BLOC1S3: variants seen among roughly 807,000 people sequenced by gnomAD.
BLOC1S3 encodes biogenesis of lysosomal organelles complex 1 subunit 3, also known as biogenesis of lysosome-related organelles complex 1 subunit 3.
Under a neutral mutation model 9.1 loss-of-function variants are expected in BLOC1S3, and 7 were observed. That is an observed-to-expected ratio of 0.77 (90% CI 0.44 to 1.45). The LOEUF is 1.45. Among genes scored for constraint, BLOC1S3 ranks in the 40% most tolerant of loss-of-function variants. BLOC1S3 has a pLI of 0.01. For missense variants in BLOC1S3, 307 were observed against 315.2 expected, an observed-to-expected ratio of 0.97 and a Z score of 0.20; for synonymous variants, 145 against 158.4, an observed-to-expected ratio of 0.92 and a Z score of 0.64.
chr19:45,211,216 G>A (rs1336942477), intron 3 of BLOC1S3, among the ~76,000 whole-genome samples: 1 of 152,106 alleles, frequency 6.6e-6, no homozygotes, highest in Non-Finnish European at 1.5e-5. Flanking sequence ...TCATTTTCGG[G>A]CTGGGCACAG....
chr19:45,201,285 C>A (rs1969689020), intron 2 of BLOC1S3, among the ~76,000 whole-genome samples: 1 of 151,976 alleles, frequency 6.6e-6, no homozygotes, highest in Admixed American at 6.6e-5. Flanking sequence ...AATTACCAGG[C>A]AGAAACTCTT....
intron 3 of BLOC1S3, among the ~76,000 whole-genome samples, chr19:45,207,190 T>G (rs2122935683): frequency 6.6e-6 from 1 of 151,528 alleles, no homozygotes; most frequent in South Asian, 2.1e-4. Flanking sequence ...TGGAATGCAG[T>G]GGCACGATAT....
chr19:45,191,462 T>C (rs1373085807), intron 2 of BLOC1S3, among the ~76,000 whole-genome samples: 4 of 152,212 alleles, frequency 2.6e-5, no homozygotes, highest in Non-Finnish European at 5.9e-5. Flanking sequence ...TTTTCCTGGA[T>C]GGTTTTGTTA....
intron 2 of BLOC1S3, among the ~76,000 whole-genome samples, chr19:45,195,204 T>C (rs924502414): frequency 1.3e-5 from 2 of 150,546 alleles, no homozygotes; most frequent in African/African-American, 2.5e-5. Context: ...CCACCGCGCC[T>C]GGCCAATTTT....
chr19:45,180,005 C>G lies in BLOC1S3; in HGVS notation c.*100C>G, dbSNP rs1053258669. On this transcript the variant is annotated 3_prime_UTR_variant, in exon 2 of 2. Coordinates refer to ENST00000433642, the MANE Select transcript of BLOC1S3 (RefSeq NM_212550.5). ...TGTGTCTCTTATCACCCCCCACCCC[C>G]GCTCCCATCTTGGTGTCACCCATGG... 5.7e-6 allele frequency: 8 copies of G among 1,402,840 alleles called. No individual in the cohort carries two copies. The highest frequency in any genetic ancestry group is 7.8e-6 in the Non-Finnish European group (8 of 1,031,216). 86.9% of individuals were successfully genotyped at this position (1,402,840 alleles called of 1,614,324 possible).
Position 45,179,420 on chromosome 19 carries a change from G to T in BLOC1S3, c.124G>T (p.Gly42Cys), listed in dbSNP as rs779822009. The T allele has an allele frequency of 4.3e-5, 67 of 1,546,920 alleles. No homozygotes were observed. The highest frequency in any genetic ancestry group is 5.6e-5 in the Non-Finnish European group (65 of 1,153,938). ...SSSEEEELYL[G>C]PSGPTRGRPT... ...GTCGGAGGAGGAGGAGCTGTACCTG[G>T]GTCCTTCGGGCCCGACGCGCGGCCG... Residue 42 changes from glycine (G) to cysteine (C), a missense_variant, in exon 2 of 2, where the codon GGT becomes TGT. By Grantham distance (159) the Gly-to-Cys change is radical. Transcript: ENST00000433642. This position sits in a 1 kb window ranked among gnomAD's most constrained non-coding sequence, Gnocchi z 4.6.
At chr19:45,213,735 A>G (rs2122949552) in intron 3 of BLOC1S3, among the ~76,000 whole-genome samples, 1 of 152,044 alleles carries the variant, frequency 6.6e-6, no homozygotes, top group East Asian at 1.9e-4. Flanking sequence ...ACCTGAGGTC[A>G]GGAGTTCGAG....
chr19:45,183,504 A>T (rs1969542386), downstream of BLOC1S3, among the ~76,000 whole-genome samples: 1 of 151,394 alleles, frequency 6.6e-6, no homozygotes, highest in African/African-American at 2.4e-5. Flanking sequence ...GTGCGGATCA[A>T]CCAGCATCTC....
intron 3 of BLOC1S3, among the ~76,000 whole-genome samples, chr19:45,207,555 CAAAAAAAAAAAAAAAAA>C (rs58164218): frequency 3.1e-5 from 2 of 64,748 alleles, no homozygotes; most frequent in African/African-American, 4.6e-5. Context: ...GACTCTGTCT[CAAAAAAAAAAAAAAAAA>C]AAAAAAAAAA....
At chr19:45,196,408 A>G (rs1969648870) in intron 2 of BLOC1S3, among the ~76,000 whole-genome samples, 1 of 152,006 alleles carries the variant, frequency 6.6e-6, no homozygotes, top group Non-Finnish European at 1.5e-5. Flanking sequence ...TCCATGGTCC[A>G]GGTGAGGCTG....
Position 45,179,251 on chromosome 19 carries a change from C to T in BLOC1S3, c.-9-37C>T, listed in dbSNP as rs1969467585. On this transcript the variant is annotated intron_variant, in intron 1 of 1. Transcript: ENST00000433642. This position sits in a 1 kb window ranked among gnomAD's most constrained non-coding sequence, Gnocchi z 4.6. ...CTGCGCCTTTTACCCACCGCGGCGCCGGTCTCACGTGCAGTCCCTTCGCTC... is the reference window on the plus strand; with the variant it reads ...CTGCGCCTTTTACCCACCGCGGCGCTGGTCTCACGTGCAGTCCCTTCGCTC... 2 of 1,477,534 alleles carry T rather than the reference C, an allele frequency of 1.4e-6. No individual in the cohort carries two copies. Among genetic ancestry groups the T allele is most frequent in the Non-Finnish European group, 1.8e-6 (2 of 1,118,718 alleles). The allele number at this position is 1,477,534 out of a possible 1,614,324, so 91.5% of individuals were successfully genotyped here.
downstream of BLOC1S3, among the ~76,000 whole-genome samples, chr19:45,184,903 CAAAAAAAAAAAAA>C (rs71338752): frequency 3.7e-4 from 18 of 48,288 alleles, no homozygotes; most frequent in East Asian, 7.2e-4. Context: ...CTGTCTCAAA[CAAAAAAAAAAAAA>C]AAAAAAAAAA....
chr19:45,197,810 G>A (rs1393094901), intron 2 of BLOC1S3, among the ~76,000 whole-genome samples: 3 of 130,882 alleles, frequency 2.3e-5, no homozygotes, highest in African/African-American at 8.6e-5. Context: ...GGGTGGCTGA[G>A]CGAGACTCCG....
At chr19:45,201,537 G>A (rs111986542) in intron 2 of BLOC1S3, among the ~76,000 whole-genome samples, 6 of 152,286 alleles carry the variant, frequency 3.9e-5, no homozygotes, top group African/African-American at 7.2e-5. Context: ...GAAGCCTGCC[G>A]GGCTTGTGTC....
intron 2 of BLOC1S3, among the ~76,000 whole-genome samples, chr19:45,198,293 G>GTTTGT (rs1416941341): frequency 6.6e-6 from 1 of 152,014 alleles, no homozygotes; most frequent in Non-Finnish European, 1.5e-5. Context: ...TTTTTTGTTT[G>GTTTGT]TTTGTTTTGT....
At chr19:45,185,305 C>T (rs1161072843), downstream of BLOC1S3, among the ~76,000 whole-genome samples, 2 of 152,176 alleles carry the variant, frequency 1.3e-5, no homozygotes, top group Admixed American at 6.5e-5. Flanking sequence ...CCCAGGGAAA[C>T]CACAGAGTAG....
intron 2 of BLOC1S3, among the ~76,000 whole-genome samples, chr19:45,195,612 T>C: frequency 7.7e-6 from 1 of 129,992 alleles, no homozygotes; most frequent in African/African-American, 2.8e-5. Flanking sequence ...CTTCCTTCCT[T>C]CCTCAGAGTT....
At position 45,197,542 on chromosome 19, in the gene BLOC1S3, A is replaced by C. The variant is rs904141872; in HGVS notation, n.181-4864A>C. On this transcript the variant is annotated intron_variant and non_coding_transcript_variant, in intron 2 of 3. Transcript: ENST00000591569. ...AGAAAAAGAATAAAAAAGAAGATTT[A>C]GAGGCTGGGTGTGGTGGCTCCCCCT... 6.6e-5 allele frequency among the ~76,000 whole-genome samples: 10 copies of C among 150,996 alleles called. No homozygotes were observed. The East Asian group carries it at 1.9e-3, about 29-fold the overall frequency.
At chr19:45,186,365 G>T (rs552480021), downstream of BLOC1S3, among the ~76,000 whole-genome samples, 1 of 152,038 alleles carries the variant, frequency 6.6e-6, no homozygotes, top group South Asian at 2.1e-4. Flanking sequence ...ATCTCACTAC[G>T]TTGCTCAGGC....
Sources: allele counts gnomAD v4.1 joint callset (sites outside exome capture counted in the v4.1 genomes callset), GRCh38; gene constraint gnomAD v4.1.1; non-coding constraint Gnocchi (gnomAD v3.1); transcripts MANE v1.5; gene names NCBI Gene and HGNC (gene_info 2026-07-23, HGNC 2026-07-21).